TCF4: variants seen among roughly 807,000 people sequenced by gnomAD.
The protein encoded by TCF4 is SL3-3 enhancer factor 2.
In TCF4, 3 loss-of-function variants were observed where a neutral mutation model predicts 82.1. The ratio of observed to expected loss-of-function variants is 0.04; its 90% CI spans 0.02 to 0.09. TCF4 has a LOEUF of 0.09. TCF4 is among the 10% of genes least tolerant of loss of function. The probability of loss-of-function intolerance (pLI) is 1.00; values close to 1 mark genes in which losing one functional copy is unlikely to be tolerated. For missense variants in TCF4, 518 were observed against 852.7 expected (o/e 0.61, Z 4.89); for synonymous variants, 276 against 309.6 (o/e 0.89, Z 1.14).
chr18:55,402,051 T>A (rs1246602833), intron 6 of TCF4: 2 of 985,376 alleles, frequency 2.0e-6, no homozygotes, highest in Non-Finnish European at 2.4e-6. Context: ...ACATTTGCAC[T>A]CACATTCCAA....
intron 2 of TCF4, among the ~76,000 whole-genome samples, chr18:55,601,242 A>T (rs1196468365): frequency 6.6e-6 from 1 of 152,188 alleles, no homozygotes; most frequent in Non-Finnish European, 1.5e-5. Flanking sequence ...TTGAGTAGAT[A>T]AATCATATAA....
chr18:55,514,309 T>A (rs1324693710), intron 3 of TCF4, among the ~76,000 whole-genome samples: 1 of 152,042 alleles, frequency 6.6e-6, no homozygotes, highest in Non-Finnish European at 1.5e-5. Context: ...CAAGTTTACT[T>A]CCTGACAGTG....
chr18:55,280,106 A>G (rs1423235811), intron 8 of TCF4, among the ~76,000 whole-genome samples: 1 of 152,178 alleles, frequency 6.6e-6, no homozygotes, highest in Non-Finnish European at 1.5e-5. Context: ...GAGAGGAGGT[A>G]GGGAGGGGGG....
chr18:55,329,143 T>A (rs961725373), intron 8 of TCF4, among the ~76,000 whole-genome samples: 5 of 152,246 alleles, frequency 3.3e-5, no homozygotes, highest in African/African-American at 1.2e-4. Flanking sequence ...CGTACATCCA[T>A]CACTGAAGTG....
chr18:55,481,308 G>A (rs375429871), intron 3 of TCF4, among the ~76,000 whole-genome samples: 15 of 152,102 alleles, frequency 9.9e-5, no homozygotes, highest in South Asian at 6.2e-4. Flanking sequence ...GACCAATAAC[G>A]GCTTTTATTC....
intron 3 of TCF4, among the ~76,000 whole-genome samples, chr18:55,574,774 T>G (rs1224517961): frequency 6.6e-6 from 1 of 151,932 alleles, no homozygotes; most frequent in African/African-American, 2.4e-5. Context: ...CTATAACTTG[T>G]ATCTTGGCTC....
intron 9 of TCF4, 130 bp downstream of exon 9, chr18:55,279,421 C>T: frequency 7.2e-7 from 1 of 1,388,740 alleles, no homozygotes; most frequent in Non-Finnish European, 1.0e-6. Flanking sequence ...AATTCAATTC[C>T]TAAGAAGAGC....
At chr18:55,396,665 T>C (rs2093511398) in intron 6 of TCF4, among the ~76,000 whole-genome samples, 1 of 152,188 alleles carries the variant, frequency 6.6e-6, no homozygotes, top group African/African-American at 2.4e-5. Flanking sequence ...TACTGAAGTT[T>C]AGTTTACAAG....
chr18:55,573,806 G>C (rs1456982384), intron 3 of TCF4, among the ~76,000 whole-genome samples: 2 of 152,140 alleles, frequency 1.3e-5, no homozygotes, highest in Non-Finnish European at 2.9e-5. Flanking sequence ...TAATGTCTGT[G>C]TCCTCCATGT....
At chr18:55,572,819 C>T (rs1397448978) in intron 3 of TCF4, among the ~76,000 whole-genome samples, 4 of 152,026 alleles carry the variant, frequency 2.6e-5, no homozygotes, top group Admixed American at 6.6e-5. Flanking sequence ...TTTGGGAGGC[C>T]GAGGTGGGCA....
At chr18:55,552,570 G>A (rs1384773981) in intron 3 of TCF4, among the ~76,000 whole-genome samples, 1 of 152,188 alleles carries the variant, frequency 6.6e-6, no homozygotes, top group African/African-American at 2.4e-5. Flanking sequence ...GAGGAGAAAA[G>A]GCCAGGCCAC....
chr18:55,360,941 G>C (rs1307528760), intron 6 of TCF4, among the ~76,000 whole-genome samples: 1 of 151,910 alleles, frequency 6.6e-6, no homozygotes, highest in Admixed American at 6.6e-5. Flanking sequence ...TGGCCATGAT[G>C]ATTTCAATCT....
At chr18:55,501,477 A>G (rs976800601) in intron 3 of TCF4, among the ~76,000 whole-genome samples, 1 of 152,200 alleles carries the variant, frequency 6.6e-6, no homozygotes, top group African/African-American at 2.4e-5. Context: ...AGCAACTGAA[A>G]AGATGAAACT....
upstream of TCF4, among the ~76,000 whole-genome samples, chr18:55,590,019 C>T (rs1254568560): frequency 1.3e-5 from 2 of 152,172 alleles, no homozygotes; most frequent in Admixed American, 1.3e-4. Context: ...TTCCCGAGGC[C>T]GAGGTCGTTC....
At chr18:55,348,243 A>G (rs1174428225) in intron 8 of TCF4, among the ~76,000 whole-genome samples, 1 of 152,204 alleles carries the variant, frequency 6.6e-6, no homozygotes, top group Non-Finnish European at 1.5e-5. Flanking sequence ...GGTAATGAGT[A>G]AATGGATGAT....
At chr18:55,267,147 T>C (rs917000284) in intron 11 of TCF4, 1 of 152,176 alleles carries the variant, frequency 6.6e-6, no homozygotes, top group Non-Finnish European at 1.5e-5. Context: ...AAGGCATTAG[T>C]ATTGCTTACA....
intron 14 of TCF4, among the ~76,000 whole-genome samples, chr18:55,255,402 T>C (rs1244007856): frequency 6.6e-6 from 1 of 152,160 alleles, no homozygotes; most frequent in Non-Finnish European, 1.5e-5. Flanking sequence ...TGGGGGCATC[T>C]AACTGAGTTC....
At chr18:55,530,264 T>C (rs1420200007) in intron 3 of TCF4, among the ~76,000 whole-genome samples, 1 of 152,204 alleles carries the variant, frequency 6.6e-6, no homozygotes, top group East Asian at 1.9e-4. Flanking sequence ...AACTATGCTA[T>C]GCATCTTGGC....
At chr18:55,263,658 A>G (rs993597648) in intron 11 of TCF4, among the ~76,000 whole-genome samples, 5 of 152,108 alleles carry the variant, frequency 3.3e-5, no homozygotes, top group African/African-American at 1.2e-4. Flanking sequence ...AGAGAAAATA[A>G]TAATGATGTG....
Sources: allele counts gnomAD v4.1 joint callset (sites outside exome capture counted in the v4.1 genomes callset), GRCh38; gene constraint gnomAD v4.1.1; transcripts MANE v1.5; gene names NCBI Gene and HGNC (gene_info 2026-07-23, HGNC 2026-07-21).